The following USP28 variants were observed in gnomAD, a reference collection of about 807,000 sequenced individuals.
USP28 encodes the protein ubiquitin carboxyl-terminal hydrolase 28.
USP28 carries 113 observed loss-of-function variants against 145.0 expected under a neutral mutation model. The observed-to-expected ratio is 0.78, with a 90% CI of 0.67 to 0.91. The LOEUF (loss-of-function observed/expected upper bound fraction) is 0.91, where lower values mean the gene tolerates loss of function less well. Among genes scored for constraint, USP28 ranks in the 40% least tolerant of loss-of-function variants. The pLI, the probability that USP28 is intolerant of heterozygous loss-of-function variation, is 0.00. For synonymous variants in USP28, 447 were observed against 450.9 expected (o/e 0.99, Z 0.11); for missense variants, 1,201 against 1,289.6 (o/e 0.93, Z 1.05).
At chr11:113,839,969 T>G (rs893918528) in intron 5 of USP28, among the ~76,000 whole-genome samples, 1 of 152,002 alleles carries the variant, frequency 6.6e-6, no homozygotes, top group African/African-American at 2.4e-5. Context: ...TGAGCTGAGA[T>G]CGCACCACTG....
chr11:113,874,422 C>CG (rs1293274220), intron 1 of USP28: 147 of 788,834 alleles, frequency 1.9e-4, no homozygotes, highest in African/African-American at 1.1e-3. Context: ...GAGACTCTGT[C>CG]GAAAAAAAAA....
chr11:113,862,025 T>C (rs2051676), intron 1 of USP28, among the ~76,000 whole-genome samples: 2 of 152,188 alleles, frequency 1.3e-5, no homozygotes, highest in African/African-American at 4.8e-5. Flanking sequence ...ACTAGCTGGG[T>C]CTTCGTGTGT....
intron 1 of USP28, among the ~76,000 whole-genome samples, chr11:113,863,027 A>C (rs902880143): frequency 3.3e-4 from 50 of 152,224 alleles, no homozygotes; most frequent in African/African-American, 1.1e-3. Context: ...CTGTACTGGA[A>C]GTTTAAGCCA....
intron 16 of USP28, among the ~76,000 whole-genome samples, chr11:113,811,651 G>A (rs1203166206): frequency 3.3e-5 from 5 of 151,622 alleles, no homozygotes; most frequent in East Asian, 3.9e-4. Flanking sequence ...TTGCGCCACT[G>A]CACTCCAGCC....
chr11:113,856,659 T>C (rs1591446512), intron 1 of USP28, among the ~76,000 whole-genome samples: 1 of 152,294 alleles, frequency 6.6e-6, no homozygotes, highest in East Asian at 1.9e-4. Flanking sequence ...CAAGAATACC[T>C]ATCTAATGCA....
At chr11:113,829,538 GA>G in intron 9 of USP28, 193 bp from the exon 10 acceptor site, 1 of 641,370 alleles carries the variant, frequency 1.6e-6, no homozygotes, top group Non-Finnish European at 2.5e-6. Flanking sequence ...AGTAACACTG[GA>G]AAAAGACCAG....
intron 1 of USP28, among the ~76,000 whole-genome samples, chr11:113,855,564 G>T (rs890875305): frequency 1.4e-4 from 22 of 152,138 alleles, no homozygotes. Context: ...ACAGCTGTGG[G>T]CCCAATGCAA....
At chr11:113,860,603 A>T (rs1453028139) in intron 1 of USP28, among the ~76,000 whole-genome samples, 1 of 151,968 alleles carries the variant, frequency 6.6e-6, no homozygotes, top group Non-Finnish European at 1.5e-5. Context: ...CAAGGTCAGG[A>T]GTTCAAGACC....
rs189936318 is a variant in USP28, at chr11:113,863,870, G to A, written c.58-9535C>T. On this transcript the variant is annotated intron_variant, in intron 1 of 24. Coordinates refer to ENST00000003302, the Ensembl canonical transcript of USP28. The stretch of plus-strand genomic sequence containing the variant: ...TGAGGCAGGAGAATGGCATGAACCC[G>A]GGAGGCGGAGCTTGCAGTGAGCCGA... Among the ~76,000 whole-genome samples the A allele has an allele frequency of 4.7e-3, 681 of 145,162 alleles. 24 individuals carry two copies. In the East Asian group the frequency reaches 0.08, roughly 17 times the overall value.
chr11:113,799,011 C>A (rs1938433072), exon 25 of USP28: 2 of 442,096 alleles, frequency 4.5e-6, no homozygotes, highest in South Asian at 3.1e-5. Context: ...TAATTCAACA[C>A]CTTAATACAC....
At chr11:113,819,584 T>C (rs1011035003) in intron 12 of USP28, among the ~76,000 whole-genome samples, 4 of 152,210 alleles carry the variant, frequency 2.6e-5, no homozygotes, top group African/African-American at 7.2e-5. Flanking sequence ...GTCACACATA[T>C]ACAAGCAGAT....
At chr11:113,828,499 A>G (rs1943627029) in intron 10 of USP28, among the ~76,000 whole-genome samples, 1 of 152,194 alleles carries the variant, frequency 6.6e-6, no homozygotes. Flanking sequence ...TAGGCTCCCT[A>G]TTTTAATTCA....
chr11:113,807,483 C>T (rs1320509176), intron 18 of USP28, among the ~76,000 whole-genome samples: 4 of 152,048 alleles, frequency 2.6e-5, no homozygotes. Flanking sequence ...AGACAGACAA[C>T]AAACAACTTG....
chr11:113,806,441 AT>A, intron 19 of USP28, 47 bp downstream of exon 20: 1 of 1,497,266 alleles, frequency 6.7e-7, no homozygotes, highest in Non-Finnish European at 9.3e-7. Flanking sequence ...TTTCCCCAAT[AT>A]TATGATGCCT....
chr11:113,826,651 G>A (rs1943378842), intron 11 of USP28, among the ~76,000 whole-genome samples: 1 of 151,840 alleles, frequency 6.6e-6, no homozygotes, highest in Admixed American at 6.6e-5. Context: ...CGGGCGCGGT[G>A]GCTCACACCT....
At chr11:113,811,747 A>G (rs146340767) in intron 16 of USP28, among the ~76,000 whole-genome samples, 223 of 152,264 alleles carry the variant, frequency 1.5e-3, no homozygotes, top group African/African-American at 4.8e-3. Flanking sequence ...TATATGTACT[A>G]TCAGCACCAT....
intron 7 of USP28, among the ~76,000 whole-genome samples, 192 bp downstream of exon 7, chr11:113,833,228 C>T (rs1049675005): frequency 1.3e-5 from 2 of 152,214 alleles, no homozygotes; most frequent in Non-Finnish European, 2.9e-5. Flanking sequence ...CCGTGCAACA[C>T]ACGCACACTC....
At chr11:113,803,663 T>A in intron 22 of USP28, 135 bp downstream of exon 23, 1 of 678,192 alleles carries the variant, frequency 1.5e-6, no homozygotes, top group African/African-American at 1.8e-5. Context: ...ACCAAAGCAC[T>A]GCAAGAGAAG....
chr11:113,858,650 C>T (rs565431711), intron 1 of USP28, among the ~76,000 whole-genome samples: 1 of 152,306 alleles, frequency 6.6e-6, no homozygotes, highest in East Asian at 1.9e-4. Flanking sequence ...CTTGCTGTCA[C>T]CCAGGCTGGA....
Sources: gnomAD v4.1 joint callset for allele counts (sites outside exome capture counted in the v4.1 genomes callset) on GRCh38, gnomAD v4.1.1 for gene constraint, MANE v1.5 for transcripts, NCBI Gene and HGNC (gene_info 2026-07-23, HGNC 2026-07-21) for gene names.